The following TMEM267 variants were observed in gnomAD, a reference collection of about 807,000 sequenced individuals.
TMEM267 encodes transmembrane protein C5orf28.
TMEM267 carries 20 observed loss-of-function variants against 19.3 expected under a neutral mutation model. That is an observed-to-expected ratio of 1.04 (90% CI 0.73 to 1.51). The LOEUF (loss-of-function observed/expected upper bound fraction) is 1.51, where lower values mean the gene tolerates loss of function less well. TMEM267 is among the 40% of genes most tolerant of loss of function. The pLI is 0.00. For synonymous variants in TMEM267, 88 were observed against 90.3 expected (o/e 0.97, Z 0.15); for missense variants, 242 against 261.9 (o/e 0.92, Z 0.52).
intron 2 of TMEM267, among the ~76,000 whole-genome samples, chr5:43,447,634 C>A (rs1742335290): frequency 6.6e-6 from 1 of 152,158 alleles, no homozygotes; most frequent in South Asian, 2.1e-4. Context: ...AATAAAACTA[C>A]ACAAAATCTC....
At chr5:43,459,022 A>C (rs1383018977) in intron 1 of TMEM267, among the ~76,000 whole-genome samples, 1 of 152,160 alleles carries the variant, frequency 6.6e-6, no homozygotes, top group Admixed American at 6.5e-5. Context: ...ATTATCTTCC[A>C]AAGAAAGAGA....
At chr5:43,468,546 A>T (rs1422164024) in intron 1 of TMEM267, among the ~76,000 whole-genome samples, 1 of 152,184 alleles carries the variant, frequency 6.6e-6, no homozygotes, top group Non-Finnish European at 1.5e-5. Context: ...TTGATGTCTT[A>T]TGTCTCCCTA....
intron 1 of TMEM267, among the ~76,000 whole-genome samples, chr5:43,466,337 A>G (rs1258050132): frequency 6.6e-6 from 1 of 152,232 alleles, no homozygotes; most frequent in Non-Finnish European, 1.5e-5. Flanking sequence ...GCTAGGAGAC[A>G]GTGGTATGAC....
intron 2 of TMEM267, among the ~76,000 whole-genome samples, chr5:43,450,573 A>AGG (rs1306296898): frequency 6.6e-6 from 1 of 152,210 alleles, no homozygotes; most frequent in Non-Finnish European, 1.5e-5. Context: ...GAGGAAACTG[A>AGG]GGCAGTGAGG....
intron 1 of TMEM267, among the ~76,000 whole-genome samples, chr5:43,483,192 C>T (rs1357319899): frequency 1.3e-5 from 2 of 152,202 alleles, no homozygotes; most frequent in Non-Finnish European, 2.9e-5. Flanking sequence ...TTCACTGAAA[C>T]TTTTTATAGC....
At chr5:43,452,648 C>G (rs1742679793) in intron 2 of TMEM267, among the ~76,000 whole-genome samples, 1 of 150,884 alleles carries the variant, frequency 6.6e-6, no homozygotes, top group Admixed American at 6.6e-5. Context: ...AACCAGGATT[C>G]AAACTCAAGT....
chr5:43,464,636 C>G (rs1420899624), intron 1 of TMEM267, among the ~76,000 whole-genome samples: 169 of 146,902 alleles, frequency 1.2e-3, no homozygotes, highest in African/African-American at 4.3e-3. Flanking sequence ...GAACAGAGCC[C>G]TCAGAAATAA....
intron 1 of TMEM267, among the ~76,000 whole-genome samples, chr5:43,465,472 CA>C (rs1743598715): frequency 6.6e-6 from 1 of 152,116 alleles, no homozygotes; most frequent in Non-Finnish European, 1.5e-5. Context: ...GGTATATACC[CA>C]AAGGATTATA....
chr5:43,482,271 C>T (rs6451705), intron 1 of TMEM267, among the ~76,000 whole-genome samples: 73,689 of 151,564 alleles, frequency 0.49, 18,838 homozygotes, highest in Middle Eastern at 0.63. Flanking sequence ...TTTCTGGCAT[C>T]TATTCTACTC....
chr5:43,455,426 A>G (rs1472227201), intron 1 of TMEM267, among the ~76,000 whole-genome samples: 3 of 152,198 alleles, frequency 2.0e-5, no homozygotes, highest in Non-Finnish European at 4.4e-5. Flanking sequence ...GTCTTAAAAA[A>G]AAAAAAGCTA....
At chr5:43,456,578 T>C (rs1252753401) in intron 1 of TMEM267, among the ~76,000 whole-genome samples, 1 of 152,076 alleles carries the variant, frequency 6.6e-6, no homozygotes, top group Non-Finnish European at 1.5e-5. Flanking sequence ...AACAAACCAA[T>C]ACAAAAATGG....
chr5:43,463,419 A>G (rs1244052648), intron 1 of TMEM267, among the ~76,000 whole-genome samples: 1 of 152,156 alleles, frequency 6.6e-6, no homozygotes, highest in Non-Finnish European at 1.5e-5. Flanking sequence ...AAAAGAGGGA[A>G]TCCTCCCTAA....
intron 1 of TMEM267, among the ~76,000 whole-genome samples, chr5:43,480,786 T>C (rs1255935518): frequency 4.1e-5 from 6 of 145,240 alleles, no homozygotes; most frequent in African/African-American, 1.6e-4. Context: ...ATTTAAATGT[T>C]AATAATCTTA....
At chr5:43,479,232 T>C (rs930730846) in intron 1 of TMEM267, among the ~76,000 whole-genome samples, 2 of 152,128 alleles carry the variant, frequency 1.3e-5, no homozygotes, top group South Asian at 4.1e-4. Flanking sequence ...TAAAATAATA[T>C]GTAAAAAATT....
At position 43,470,905 on chromosome 5, in the gene TMEM267, C is replaced by A. The variant is rs577827081; in HGVS notation, c.-75+12917G>T. 1.4e-4 allele frequency among the ~76,000 whole-genome samples: 21 copies of A among 150,828 alleles called. No individual in the cohort carries two copies. The South Asian group carries it at 4.4e-3, about 32-fold the overall frequency. ...TAGAAAAGCATGAGCAAACCAAGCC[C>A]AAAATTAGTAGAAGAAAAGAAATAA... On this transcript the variant is annotated intron_variant, in intron 1 of 2. Coordinates refer to ENST00000397080, the MANE Select transcript of TMEM267 (RefSeq NM_022483.5).
intron 1 of TMEM267, among the ~76,000 whole-genome samples, chr5:43,481,608 T>A (rs928058095): frequency 6.6e-6 from 1 of 152,078 alleles, no homozygotes; most frequent in Non-Finnish European, 1.5e-5. Context: ...TTATATATAA[T>A]GGGTATAATG....
Position 43,445,523 on chromosome 5 carries a change from T to G in TMEM267, c.*699A>C, listed in dbSNP as rs952217733. The G allele has an allele frequency of 2.0e-5, 3 of 152,136 alleles. No individual in the cohort carries two copies. Among genetic ancestry groups the G allele is most frequent in the Admixed American group, 6.6e-5 (1 of 15,262 alleles). 9.4% of individuals were successfully genotyped at this position (152,136 alleles called of 1,614,324 possible). A position where few individuals can be genotyped will look rare whatever the true frequency, so the allele number is the denominator to read the frequency against. ...GGCTAGAGATACCAAAAAATACTAC[T>G]TCAGTAAAGTGCTACTGTAGCCAAC... On this transcript the variant is annotated 3_prime_UTR_variant, in exon 3 of 3. Coordinates refer to ENST00000397080, the MANE Select transcript of TMEM267 (RefSeq NM_022483.5).
chr5:43,480,360 C>A (rs952054915), intron 1 of TMEM267, among the ~76,000 whole-genome samples: 1 of 152,106 alleles, frequency 6.6e-6, no homozygotes, highest in Non-Finnish European at 1.5e-5. Flanking sequence ...GTTGCCCAGG[C>A]TGGAGTGCAG....
chr5:43,472,916 G>A (rs1369693132), intron 1 of TMEM267, among the ~76,000 whole-genome samples: 1 of 151,868 alleles, frequency 6.6e-6, no homozygotes, highest in African/African-American at 2.4e-5. Context: ...GAAGTGGGCG[G>A]ATCACAAGGT....
Sources: gnomAD v4.1 joint callset for allele counts (sites outside exome capture counted in the v4.1 genomes callset) on GRCh38, gnomAD v4.1.1 for gene constraint, MANE v1.5 for transcripts, NCBI Gene and HGNC (gene_info 2026-07-23, HGNC 2026-07-21) for gene names.